Variants in DMD observed in about 807,000 individuals in gnomAD.
DMD encodes the protein dystrophin.
DMD carries 63 observed loss-of-function variants against 330.1 expected under a neutral mutation model. The observed-to-expected ratio is 0.19, with a 90% CI of 0.16 to 0.24. The LOEUF is 0.24. Ranked by LOEUF, DMD falls within the 10% of genes least tolerant of loss-of-function variation. The pLI is 1.00. For missense variants in DMD, 3,344 were observed against 2,684.1 expected (o/e 1.25, Z -5.43); for synonymous variants, 1,223 against 959.8 (o/e 1.27, Z -5.07).
chrX:31,204,327 C>A (rs1168899821), intron 66 of DMD, among the ~76,000 whole-genome samples: 1 of 112,681 alleles, frequency 8.9e-6, no homozygotes, highest in Non-Finnish European at 1.9e-5. Flanking sequence ...AGTGTGATAA[C>A]TTTTACATAA....
Position 31,679,532 on chromosome X carries a change from C to G in DMD, c.7715G>C (p.Arg2572Thr). ...DEVQEHLQNR[R>T]QQLNEMLKDS... ...CTTTAACATTTCATTCAACTGTTGC[C>G]TCCGGTTCTGAAGGTGTTCTTGTAC... Residue 2572 changes from arginine (R) to threonine (T), a missense_variant, in exon 53 of 79, where the codon AGG becomes ACG. Arg to Thr is a moderately conservative substitution (Grantham distance 71, BLOSUM62 -1). Transcript: ENST00000357033. The G allele has an allele frequency of 1.7e-6, 2 of 1,211,639 alleles. No individual in the cohort carries two copies. Among genetic ancestry groups the G allele is most frequent in the Non-Finnish European group, 2.2e-6 (2 of 895,389 alleles).
intron 44 of DMD, among the ~76,000 whole-genome samples, chrX:32,029,254 C>T (rs191703006): frequency 1.6e-3 from 176 of 111,608 alleles, no homozygotes; most frequent in African/African-American, 5.4e-3. Context: ...TCTGATGAAA[C>T]CTGACCGACC....
intron 13 of DMD, among the ~76,000 whole-genome samples, chrX:32,586,785 T>C (rs1316138868): frequency 9.0e-6 from 1 of 111,055 alleles, no homozygotes; most frequent in Non-Finnish European, 1.9e-5. Flanking sequence ...CTGCAAGCTA[T>C]ATGAACTTGG....
At chrX:32,517,701 C>T in intron 18 of DMD, 1 of 370,993 alleles carries the variant, frequency 2.7e-6, no homozygotes, top group South Asian at 4.7e-5. Flanking sequence ...CTTGAGGTAA[C>T]TGAACAATAT....
chrX:33,244,042 T>G (rs2052629184), intron 1 of DMD, among the ~76,000 whole-genome samples: 1 of 112,265 alleles, frequency 8.9e-6, no homozygotes, highest in South Asian at 3.7e-4. Context: ...TCTATAACAT[T>G]ATGTCATCGG....
Position 31,204,074 on chromosome X carries a change from G to A in DMD, c.9694C>T (p.Arg3232Cys), listed in dbSNP as rs145030353. Reference sequence around the variant, plus strand: ...TCATGCAGAAGGAGGCCCAGCCTGCGCTGGTCACAAAATCCTGTTGAACTT... The same window carrying A: ...TCATGCAGAAGGAGGCCCAGCCTGCACTGGTCACAAAATCCTGTTGAACTT... ...VASSTGFCDQ[R>C]RLGLLLHDSI... The change falls in exon 67 of 79, where the codon CGC becomes TGC. Residue 3232 changes from arginine (R) to cysteine (C), a missense_variant. Transcript: ENST00000357033. The A allele has an allele frequency of 5.8e-6, 7 of 1,210,998 alleles. No homozygotes were observed. Among genetic ancestry groups the A allele is most frequent in the South Asian group, 3.5e-5 (2 of 56,935 alleles).
chrX:33,150,214 G>A (rs1020070603), intron 1 of DMD, among the ~76,000 whole-genome samples: 2 of 109,754 alleles, frequency 1.8e-5, no homozygotes, highest in African/African-American at 3.3e-5. Context: ...AAACGAAAAC[G>A]TACAAGTCTC....
At chrX:31,589,776 A>G (rs2148114949) in intron 55 of DMD, among the ~76,000 whole-genome samples, 2 of 111,924 alleles carry the variant, frequency 1.8e-5, no homozygotes, top group African/African-American at 6.5e-5. Context: ...GAATTTTATG[A>G]GAGTGAGAAA....
chrX:31,480,741 C>A (rs2068215624), intron 57 of DMD, among the ~76,000 whole-genome samples: 1 of 110,879 alleles, frequency 9.0e-6, no homozygotes, highest in Non-Finnish European at 1.9e-5. Context: ...AATAATGGCT[C>A]CCTCTATTGA....
chrX:32,018,523 AC>A (rs1472068799), intron 44 of DMD, among the ~76,000 whole-genome samples: 1 of 110,611 alleles, frequency 9.0e-6, no homozygotes, highest in Admixed American at 9.7e-5. Context: ...ACATACCACT[AC>A]TCTATCTATA....
At chrX:32,070,002 T>G (rs2096284851) in intron 44 of DMD, among the ~76,000 whole-genome samples, 1 of 111,665 alleles carries the variant, frequency 9.0e-6, no homozygotes. Flanking sequence ...TTAGATTATC[T>G]GTCAGCAGCA....
At chrX:31,669,701 A>T (rs5927797) in intron 53 of DMD, among the ~76,000 whole-genome samples, 44,989 of 110,032 alleles carry the variant, frequency 0.41, 7,551 homozygotes, top group African/African-American at 0.62. Context: ...TACCACATTG[A>T]CTTAATAATT....
chrX:32,680,417 C>A (rs919929020), intron 9 of DMD, among the ~76,000 whole-genome samples: 2 of 111,279 alleles, frequency 1.8e-5, no homozygotes, highest in East Asian at 5.7e-4. Context: ...GTCTTCACAA[C>A]TGGTCCTCAG....
intron 43 of DMD, among the ~76,000 whole-genome samples, chrX:32,280,547 A>G (rs1232260648): frequency 9.0e-6 from 1 of 111,253 alleles, no homozygotes; most frequent in Non-Finnish European, 1.9e-5. Flanking sequence ...GATTAATTCT[A>G]AGACTGCAAT....
intron 43 of DMD, among the ~76,000 whole-genome samples, chrX:32,243,854 T>A (rs750692836): frequency 2.7e-5 from 3 of 111,475 alleles, no homozygotes; most frequent in East Asian, 2.8e-4. Context: ...CATCATTAAT[T>A]TTTCCTATTC....
At chrX:31,775,175 G>A (rs773675509) in intron 50 of DMD, among the ~76,000 whole-genome samples, 150 of 111,848 alleles carry the variant, frequency 1.3e-3, no homozygotes, top group African/African-American at 4.8e-3. Context: ...TGTAGATTCA[G>A]TGAGTAGTAC....
intron 7 of DMD, among the ~76,000 whole-genome samples, chrX:32,740,267 A>C (rs1227785032): frequency 9.1e-6 from 1 of 110,374 alleles, no homozygotes; most frequent in Admixed American, 9.9e-5. Flanking sequence ...AGAAAATTCT[A>C]TTCTTTTGAG....
chrX:32,081,396 T>A (rs1006922824), intron 44 of DMD, among the ~76,000 whole-genome samples: 5 of 111,789 alleles, frequency 4.5e-5, no homozygotes, highest in Non-Finnish European at 9.4e-5. Flanking sequence ...GGGTTGACTG[T>A]CTCATTAACT....
chrX:32,999,110 A>T (rs1253578191), intron 2 of DMD, among the ~76,000 whole-genome samples: 1 of 112,413 alleles, frequency 8.9e-6, no homozygotes, highest in Non-Finnish European at 1.9e-5. Flanking sequence ...TCTCAGTTAA[A>T]ATCAGTCACT....
Sources: allele counts gnomAD v4.1 joint callset (sites outside exome capture counted in the v4.1 genomes callset), GRCh38; gene constraint gnomAD v4.1.1; transcripts MANE v1.5; gene names NCBI Gene and HGNC (gene_info 2026-07-23, HGNC 2026-07-21).